Variants in ADGRE1 observed in about 807,000 individuals in gnomAD.
ADGRE1 encodes the protein adhesion G protein-coupled receptor E1.
In ADGRE1, 82 loss-of-function variants were observed where a neutral mutation model predicts 102.7. The observed-to-expected ratio is 0.80, with a 90% confidence interval of 0.67 to 0.96. The LOEUF is 0.96. ADGRE1 is among the 40% of genes least tolerant of loss of function. ADGRE1 has a pLI of 0.00. For synonymous variants in ADGRE1, 398 were observed against 399.6 expected, an observed-to-expected ratio of 1.00 and a Z score of 0.05; for missense variants, 1,032 against 1,085.3, an observed-to-expected ratio of 0.95 and a Z score of 0.69.
chr19:6,940,169 G>T lies in ADGRE1; in HGVS notation c.*140G>T. ...GCCCCAGAACCCTCTGGGGAAGAAT[G>T]TTGGGGGCGGTCTTCCTGTGGTTGT... On this transcript the variant is annotated 3_prime_UTR_variant, in exon 21 of 21. Transcript: ENST00000312053. 1 of 998,548 alleles carries T rather than the reference G, an allele frequency of 1.0e-6. No homozygotes were observed. The highest frequency in any genetic ancestry group is 1.4e-5 in the South Asian group (1 of 70,828). The allele number at this position is 998,548 out of a possible 1,614,324, so 61.9% of individuals were successfully genotyped here. A position where few individuals can be genotyped will look rare whatever the true frequency, so the allele number is the denominator to read the frequency against.
rs1429225822 is a variant in ADGRE1, at chr19:6,929,576, G to A, written c.2289+1365G>A. The stretch of plus-strand genomic sequence containing the variant: ...CTCACTCTGTCACCCACGCTGGAGT[G>A]CAGTGGTGCAATCTCGGCTCACTGC... On this transcript the variant is annotated intron_variant, in intron 17 of 20. Transcript: ENST00000312053. Among the ~76,000 whole-genome samples, 6 of 151,854 alleles carry A rather than the reference G, an allele frequency of 4.0e-5. No individual in the cohort carries two copies. In the South Asian group the frequency reaches 1.2e-3, roughly 32 times the overall value.
intron 18 of ADGRE1, among the ~76,000 whole-genome samples, chr19:6,935,806 A>G (rs1975378894): frequency 6.6e-6 from 1 of 152,168 alleles, no homozygotes; most frequent in South Asian, 2.1e-4. Flanking sequence ...TTTTCAGAAA[A>G]TTTGTTTCCG....
chr19:6,937,603 G>C lies in ADGRE1; in HGVS notation c.2610G>C (p.Gln870His). The change falls in exon 20 of 21, where the codon CAG (glutamine) becomes CAC (histidine). Residue 870 changes from glutamine to histidine, a missense_variant. Coordinates refer to ENST00000312053, the MANE Select transcript of ADGRE1 (RefSeq NM_001974.5). ...AGACGAAGCCCAGCTCCCAGTCCCA[G>C]ACCTCAAGGATCTTGCTGTCCTCCA... is the stretch of plus-strand genomic sequence containing the variant. Reference protein sequence around the residue: ...TGKTKPSSQSQTSRILLSSMP... With the variant: ...TGKTKPSSQSHTSRILLSSMP... 6.2e-7 allele frequency: 1 copy of C among 1,614,092 alleles called. No individual in the cohort carries two copies. The highest frequency in any genetic ancestry group is 1.7e-5 in the Admixed American group (1 of 60,010).
intron 8 of ADGRE1, 82 bp downstream of exon 8, chr19:6,904,264 A>G: frequency 1.9e-6 from 3 of 1,545,554 alleles, no homozygotes; most frequent in Middle Eastern, 3.6e-4. Context: ...CAACCTCGGG[A>G]TCTTCCTCTT....
chr19:6,926,723 C>T (rs942433932), intron 16 of ADGRE1, 122 bp downstream of exon 16: 2 of 942,054 alleles, frequency 2.1e-6, no homozygotes, highest in African/African-American at 3.3e-5. Flanking sequence ...TCGAGCTCTT[C>T]TATTATGTAC....
chr19:6,904,836 G>A (rs1021206429), intron 8 of ADGRE1, among the ~76,000 whole-genome samples: 1 of 152,122 alleles, frequency 6.6e-6, no homozygotes, highest in Non-Finnish European at 1.5e-5. Context: ...GTGGCTAATA[G>A]GATATTGATT....
chr19:6,890,504 G>A lies in ADGRE1; in HGVS notation c.55G>A (p.Glu19Lys). 1 of 1,612,084 alleles carries A rather than the reference G, an allele frequency of 6.2e-7. No individual in the cohort carries two copies. The highest frequency in any genetic ancestry group is 8.5e-7 in the Non-Finnish European group (1 of 1,179,578). ...AGGATGTTGTGTTATGCACAGCTGGGAAGGGCACATAAGACCCACACGGAA... is the reference window on the plus strand; with the variant it reads ...AGGATGTTGTGTTATGCACAGCTGGAAAGGGCACATAAGACCCACACGGAA... ...FWGCCVMHSW[E>K]GHIRPTRKPN... is the part of the protein sequence containing the mutation. Residue 19 changes from glutamate (E) to lysine (K), a missense_variant, in exon 2 of 21, where the codon GAA becomes AAA. Physicochemically the swap from Glu to Lys is moderately conservative, Grantham distance 56 (BLOSUM62 1). Transcript: ENST00000312053.
Position 6,923,552 on chromosome 19 carries a change from C to G in ADGRE1, c.1792-1126C>G, listed in dbSNP as rs1298853572. On this transcript the variant is annotated intron_variant, in intron 14 of 20. Coordinates refer to ENST00000312053, the MANE Select transcript of ADGRE1 (RefSeq NM_001974.5). The stretch of plus-strand genomic sequence containing the variant: ...TCTTTTTCTTTTTCTTTTTTCTAGA[C>G]TGAGTTTCACTCTTGTTGCCCAGGC... Among the ~76,000 whole-genome samples the G allele has an allele frequency of 3.3e-5, 5 of 152,160 alleles. No homozygotes were observed. In the East Asian group the frequency reaches 9.7e-4, roughly 29 times the overall value.
chr19:6,888,474 TG>T (rs2144869613), intron 1 of ADGRE1, among the ~76,000 whole-genome samples: 1 of 152,326 alleles, frequency 6.6e-6, no homozygotes, highest in African/African-American at 2.4e-5. Context: ...TTTTGGTCAT[TG>T]GATCAAATTT....
chr19:6,915,838 G>C (rs188136263), intron 11 of ADGRE1, among the ~76,000 whole-genome samples: 1 of 144,678 alleles, frequency 6.9e-6, no homozygotes, highest in Non-Finnish European at 1.5e-5. Context: ...GGAGAATGGC[G>C]TGAACCCGGG....
chr19:6,890,425 T>TG, intron 1 of ADGRE1, 56 bp from the exon 2 acceptor site: 1 of 1,011,814 alleles, frequency 9.9e-7, no homozygotes, highest in East Asian at 3.3e-5. Context: ...CAAAAGGTTT[T>TG]TTTTTTTTTT....
intron 20 of ADGRE1, among the ~76,000 whole-genome samples, chr19:6,938,235 G>T (rs1975512686): frequency 6.6e-6 from 1 of 152,058 alleles, no homozygotes; most frequent in Non-Finnish European, 1.5e-5. Flanking sequence ...TACTCATGAG[G>T]CTGAGGCAGG....
chr19:6,918,071 GAGA>G (rs1974467792), intron 12 of ADGRE1, among the ~76,000 whole-genome samples: 1 of 152,134 alleles, frequency 6.6e-6, no homozygotes, highest in African/African-American at 2.4e-5. Flanking sequence ...GTTTTGCGGG[GAGA>G]AGAATTCAAG....
At chr19:6,901,156 T>C (rs1231124115) in intron 5 of ADGRE1, among the ~76,000 whole-genome samples, 1 of 152,246 alleles carries the variant, frequency 6.6e-6, no homozygotes, top group African/African-American at 2.4e-5. Flanking sequence ...ACATCACTTC[T>C]ATTTATTCTC....
chr19:6,938,902 T>A (rs1040168557), intron 20 of ADGRE1, among the ~76,000 whole-genome samples: 1 of 151,968 alleles, frequency 6.6e-6, no homozygotes, highest in Non-Finnish European at 1.5e-5. Flanking sequence ...TTCAAGCGAT[T>A]TTCCTGCCTC....
At position 6,935,054 on chromosome 19, in the gene ADGRE1, A is replaced by T. The variant is rs753535696; in HGVS notation, c.2357A>T (p.Glu786Val). The T allele has an allele frequency of 2.5e-6, 4 of 1,601,590 alleles. No individual in the cohort carries two copies. Among genetic ancestry groups the T allele is most frequent in the Non-Finnish European group, 3.4e-6 (4 of 1,173,678 alleles). ...CAGAGGCTTTCCAGTGTTAATGCCG[A>T]AGTCTCAACGCTAAAAGACACCAGG... ...LRQRLSSVNA[E>V]VSTLKDTRLL... Residue 786 changes from glutamate to valine, a missense_variant, in exon 18 of 21, where the codon GAA becomes GTA. Glu to Val is a moderately radical substitution (Grantham distance 121). Coordinates refer to ENST00000312053, the MANE Select transcript of ADGRE1 (RefSeq NM_001974.5).
At chr19:6,930,173 T>A (rs530196161) in intron 17 of ADGRE1, among the ~76,000 whole-genome samples, 3 of 152,214 alleles carry the variant, frequency 2.0e-5, no homozygotes, top group South Asian at 2.1e-4. Flanking sequence ...AAATCTTTTT[T>A]AAATCCTATG....
intron 1 of ADGRE1, among the ~76,000 whole-genome samples, chr19:6,888,573 C>T (rs1451367842): frequency 6.6e-6 from 1 of 152,102 alleles, no homozygotes; most frequent in African/African-American, 2.4e-5. Flanking sequence ...CCCTATTTTA[C>T]CAAGGAGGAA....
At chr19:6,887,717 A>T in intron 1 of ADGRE1, 78 bp downstream of exon 1, 1 of 1,493,954 alleles carries the variant, frequency 6.7e-7, no homozygotes, top group Non-Finnish European at 9.2e-7. Context: ...AGGGCCATGG[A>T]TGGTCCAGCC....
Sources: gnomAD v4.1 joint callset for allele counts (sites outside exome capture counted in the v4.1 genomes callset) on GRCh38, gnomAD v4.1.1 for gene constraint, MANE v1.5 for transcripts, NCBI Gene and HGNC (gene_info 2026-07-23, HGNC 2026-07-21) for gene names.